The following SLC24A2 variants were observed in gnomAD, a reference collection of about 807,000 sequenced individuals.
The protein encoded by SLC24A2 is sodium/potassium/calcium exchanger 2.
SLC24A2 carries 36 observed loss-of-function variants against 62.0 expected under a neutral mutation model. That is an observed-to-expected ratio of 0.58 (90% CI 0.44 to 0.77). The LOEUF is 0.77. Among genes scored for constraint, SLC24A2 ranks in the 30% least tolerant of loss-of-function variants. The pLI is 0.00. For missense variants in SLC24A2, 846 were observed against 817.9 expected (o/e 1.03, Z -0.42); for synonymous variants, 358 against 294.0 (o/e 1.22, Z -2.23).
chr9:20,084,990 G>C, the SLC24A2 span, among the ~76,000 whole-genome samples: 1 of 152,034 alleles, frequency 6.6e-6, no homozygotes, highest in African/African-American at 2.4e-5. Flanking sequence ...CTCAAGGTCT[G>C]TTCTGTTTGT....
the SLC24A2 span, among the ~76,000 whole-genome samples, chr9:19,975,429 T>C: frequency 5.9e-5 from 9 of 152,160 alleles, no homozygotes; most frequent in Non-Finnish European, 1.0e-4. Context: ...CAACATGGAA[T>C]TGAAGGGAAA....
intron 2 of SLC24A2, among the ~76,000 whole-genome samples, chr9:19,683,488 T>C (rs548894534): frequency 6.6e-6 from 1 of 151,934 alleles, no homozygotes; most frequent in Non-Finnish European, 1.5e-5. Context: ...TGTGATCAGG[T>C]GATCTTCATT....
chr9:20,063,684 A>T, the SLC24A2 span, among the ~76,000 whole-genome samples: 1 of 152,220 alleles, frequency 6.6e-6, no homozygotes. Flanking sequence ...TAGAATATAA[A>T]AATAACTCAT....
At position 19,761,804 on chromosome 9, in the gene SLC24A2, G is replaced by C. The variant is rs34994936; in HGVS notation, c.930+24133C>G. The stretch of plus-strand genomic sequence containing the variant: ...GCTTCATCCACGTCCCTACAAAGGA[G>C]ATGAACTCATCATTTTTTATGGCTG... On this transcript the variant is annotated intron_variant, in intron 2 of 10. Coordinates refer to ENST00000341998, the MANE Select transcript of SLC24A2 (RefSeq NM_020344.4). Among the ~76,000 whole-genome samples the C allele has an allele frequency of 5.9e-3, 896 of 152,238 alleles. 5 individuals carry two copies. The highest frequency in any genetic ancestry group is 0.014 in the Middle Eastern group (4 of 294).
chr9:19,645,714 C>T (rs1345022653), intron 2 of SLC24A2, among the ~76,000 whole-genome samples: 2 of 152,172 alleles, frequency 1.3e-5, no homozygotes, highest in Non-Finnish European at 2.9e-5. Flanking sequence ...ATACACCCCA[C>T]ACCGCAATCT....
chr9:19,516,032 G>T lies in SLC24A2; in HGVS notation c.*121C>A. The T allele has an allele frequency of 8.1e-7, 1 of 1,241,184 alleles. No individual in the cohort carries two copies. The allele number at this position is 1,241,184 out of a possible 1,614,324, so 76.9% of individuals were successfully genotyped here. Reference sequence around the variant, plus strand: ...ATCCATCTCTCCTCAAATTCACCAAGGAGGGACACTTGGCACCCAGGGCTG... The same window carrying T: ...ATCCATCTCTCCTCAAATTCACCAATGAGGGACACTTGGCACCCAGGGCTG... On this transcript the variant is annotated 3_prime_UTR_variant, in exon 11 of 11. Coordinates refer to ENST00000341998, the MANE Select transcript of SLC24A2 (RefSeq NM_020344.4).
the SLC24A2 span, among the ~76,000 whole-genome samples, chr9:20,192,847 G>T: frequency 6.6e-6 from 1 of 152,098 alleles, no homozygotes; most frequent in Non-Finnish European, 1.5e-5. Context: ...AAACTCAAGA[G>T]CCAGCAAGAC....
At chr9:19,601,979 T>G (rs139861822) in intron 4 of SLC24A2, among the ~76,000 whole-genome samples, 314 of 152,372 alleles carry the variant, frequency 2.1e-3, no homozygotes, top group African/African-American at 7.0e-3. Context: ...GAAGCTCCCA[T>G]ACATAGTACT....
intron 2 of SLC24A2, among the ~76,000 whole-genome samples, chr9:19,678,423 G>C (rs188874503): frequency 6.6e-6 from 1 of 152,222 alleles, no homozygotes; most frequent in East Asian, 1.9e-4. Context: ...TTACCAACCT[G>C]GGCAAACCCA....
At chr9:20,288,741 C>CAAAA in the SLC24A2 span, among the ~76,000 whole-genome samples, 11 of 79,150 alleles carry the variant, frequency 1.4e-4, no homozygotes, top group Non-Finnish European at 2.9e-4. Context: ...GACTCTGTCT[C>CAAAA]AAAAAAAAAA....
the SLC24A2 span, among the ~76,000 whole-genome samples, chr9:20,186,475 C>T: frequency 5.7e-3 from 872 of 152,226 alleles, 10 homozygotes; most frequent in African/African-American, 0.02. Context: ...AGATTCTCAA[C>T]CACTTTGCCT....
At chr9:19,607,046 T>C (rs200278763) in intron 4 of SLC24A2, among the ~76,000 whole-genome samples, 5 of 90,662 alleles carry the variant, frequency 5.5e-5, no homozygotes, top group Non-Finnish European at 8.5e-5. Flanking sequence ...TCATTCAACC[T>C]CATGAAGTGA....
intron 2 of SLC24A2, among the ~76,000 whole-genome samples, chr9:19,681,999 G>C (rs1047891303): frequency 5.9e-5 from 9 of 152,094 alleles, no homozygotes; most frequent in Non-Finnish European, 4.4e-5. Flanking sequence ...TTCTGCCAGG[G>C]TGATTGATCG....
chr9:19,530,344 C>T (rs1488639151), intron 8 of SLC24A2, among the ~76,000 whole-genome samples: 2 of 152,216 alleles, frequency 1.3e-5, no homozygotes, highest in East Asian at 3.9e-4. Flanking sequence ...ATGGTTGATT[C>T]TGGGCAATGT....
chr9:20,030,057 G>C, the SLC24A2 span, among the ~76,000 whole-genome samples: 1 of 152,276 alleles, frequency 6.6e-6, no homozygotes, highest in East Asian at 1.9e-4. Flanking sequence ...GCATTAGAAA[G>C]TTTAATAGGA....
chr9:20,143,203 A>G, the SLC24A2 span, among the ~76,000 whole-genome samples: 9 of 152,150 alleles, frequency 5.9e-5, no homozygotes, highest in African/African-American at 2.2e-4. Flanking sequence ...AGTGCCCAAG[A>G]AGAGAAAACT....
the SLC24A2 span, among the ~76,000 whole-genome samples, chr9:19,874,305 C>G: frequency 6.6e-6 from 1 of 151,918 alleles, no homozygotes; most frequent in Admixed American, 6.6e-5. Context: ...ATTTTTCAAT[C>G]AATATAATTC....
the SLC24A2 span, among the ~76,000 whole-genome samples, chr9:19,871,252 G>A: frequency 2.0e-5 from 3 of 152,010 alleles, no homozygotes; most frequent in Non-Finnish European, 4.4e-5. Context: ...TATTGTTGTT[G>A]ACTGAACATA....
chr9:19,808,487 C>A, the SLC24A2 span, among the ~76,000 whole-genome samples: 1 of 152,068 alleles, frequency 6.6e-6, no homozygotes, highest in Non-Finnish European at 1.5e-5. This position sits in a 1 kb window ranked among gnomAD's most constrained non-coding sequence, Gnocchi z 4.1. Flanking sequence ...AATGCTAACC[C>A]GTCCAAACCC....
Sources: gnomAD v4.1 joint callset for allele counts (sites outside exome capture counted in the v4.1 genomes callset) on GRCh38, gnomAD v4.1.1 for gene constraint, Gnocchi (gnomAD v3.1) non-coding constraint, MANE v1.5 for transcripts, NCBI Gene and HGNC (gene_info 2026-07-23, HGNC 2026-07-21) for gene names.